LDLRAD3: variants seen among roughly 807,000 people sequenced by gnomAD.
The protein encoded by LDLRAD3 is low-density lipoprotein receptor class A domain-containing protein 3.
A neutral mutation model predicts 29.4 loss-of-function variants in LDLRAD3; 20 were observed. The observed-to-expected ratio is 0.68, with a 90% CI of 0.48 to 0.99. LDLRAD3 has a LOEUF of 0.99. LDLRAD3 is among the 50% of genes least tolerant of loss of function. The pLI is 0.00. For missense variants in LDLRAD3, 420 were observed against 454.3 expected (o/e 0.92, Z 0.69); for synonymous variants, 157 against 192.7 (o/e 0.81, Z 1.53).
chr11:36,196,477 A>C (rs1357666105), intron 4 of LDLRAD3: 1 of 152,240 alleles, frequency 6.6e-6, no homozygotes, highest in Admixed American at 6.5e-5. Flanking sequence ...TCAGTGTGGC[A>C]CTAACATTAC....
intron 4 of LDLRAD3, among the ~76,000 whole-genome samples, chr11:36,123,886 G>A (rs779969751): frequency 4.6e-5 from 7 of 152,174 alleles, no homozygotes; most frequent in South Asian, 2.1e-4. Context: ...GTCTGCCTCC[G>A]CCTCATTATT....
intron 1 of LDLRAD3, among the ~76,000 whole-genome samples, chr11:35,984,125 G>C (rs969911208): frequency 6.6e-6 from 1 of 152,138 alleles, no homozygotes; most frequent in Admixed American, 6.5e-5. Flanking sequence ...GATTTACCTA[G>C]AGATTTTGGG....
intron 4 of LDLRAD3, among the ~76,000 whole-genome samples, chr11:36,164,781 C>T (rs931430159): frequency 3.3e-5 from 5 of 152,286 alleles, no homozygotes; most frequent in Non-Finnish European, 5.9e-5. Flanking sequence ...GCAGGCAGCC[C>T]GCCAGATTCT....
At chr11:36,177,280 T>C (rs1457018142) in intron 4 of LDLRAD3, among the ~76,000 whole-genome samples, 1 of 152,218 alleles carries the variant, frequency 6.6e-6, no homozygotes, top group Non-Finnish European at 1.5e-5. Context: ...CCTCCATGAG[T>C]AGCTAAACAA....
At position 36,229,638 on chromosome 11, in the gene LDLRAD3, G is replaced by GA; in HGVS notation, c.*242dup. ...AGGTCACTCTTCCCTTGGGACCCGAGATCACACCCTCATTTTTCACATTAT... is the reference window on the plus strand; with the variant it reads ...AGGTCACTCTTCCCTTGGGACCCGAGAATCACACCCTCATTTTTCACATTAT... On this transcript the variant is annotated 3_prime_UTR_variant, in exon 6 of 6. Coordinates refer to ENST00000315571, the MANE Select transcript of LDLRAD3 (RefSeq NM_174902.4). 2 of 466,278 alleles carry GA rather than the reference G, an allele frequency of 4.3e-6. No homozygotes were observed. Among genetic ancestry groups the GA allele is most frequent in the Non-Finnish European group, 3.8e-6 (1 of 263,166 alleles). The allele number at this position is 466,278 out of a possible 1,614,324, so 28.9% of individuals were successfully genotyped here. A position where few individuals can be genotyped will look rare whatever the true frequency, so the allele number is the denominator to read the frequency against.
chr11:36,166,215 GTT>G (rs1854513799), intron 4 of LDLRAD3, among the ~76,000 whole-genome samples: 2 of 152,140 alleles, frequency 1.3e-5, no homozygotes, highest in African/African-American at 2.4e-5. Flanking sequence ...CTTTGACACA[GTT>G]CATTAAAAAT....
chr11:35,952,270 A>G (rs971663116), intron 1 of LDLRAD3, among the ~76,000 whole-genome samples: 1 of 152,210 alleles, frequency 6.6e-6, no homozygotes, highest in Non-Finnish European at 1.5e-5. Flanking sequence ...TTGGTATAGA[A>G]TAGAAATCCA....
chr11:36,081,919 C>T lies in LDLRAD3; in HGVS notation c.319+141C>T, dbSNP rs1372602394. 3.0e-6 allele frequency: 3 copies of T among 1,014,054 alleles called. No homozygotes were observed. The South Asian group carries it at 5.0e-5, about 17-fold the overall frequency. 62.8% of individuals were successfully genotyped at this position (1,014,054 alleles called of 1,614,324 possible). On this transcript the variant is annotated intron_variant, in intron 3 of 5. Coordinates refer to ENST00000315571, the MANE Select transcript of LDLRAD3 (RefSeq NM_174902.4). Reference sequence around the variant, plus strand: ...TCTGTTACCCAGATTCTGTTCTTCCCTACTTCTTGTGTAAATCTGTAAATG... The same window carrying T: ...TCTGTTACCCAGATTCTGTTCTTCCTTACTTCTTGTGTAAATCTGTAAATG...
chr11:35,950,187 G>A (rs1014890015), intron 1 of LDLRAD3, among the ~76,000 whole-genome samples: 3 of 151,888 alleles, frequency 2.0e-5, no homozygotes, highest in Non-Finnish European at 2.9e-5. Flanking sequence ...GTGTAATCTC[G>A]GAGGCATTTC....
intron 4 of LDLRAD3, among the ~76,000 whole-genome samples, chr11:36,131,149 G>A (rs763433071): frequency 3.9e-5 from 6 of 152,234 alleles, no homozygotes; most frequent in African/African-American, 1.2e-4. Flanking sequence ...GCTCATGCCT[G>A]TAAGGCTCAT....
intron 4 of LDLRAD3, among the ~76,000 whole-genome samples, chr11:36,138,474 AT>A (rs1854034213): frequency 6.6e-6 from 1 of 152,158 alleles, no homozygotes; most frequent in African/African-American, 2.4e-5. Context: ...CTCTCAGACT[AT>A]TTTCAGTATT....
chr11:36,098,923 A>G (rs1422851014), intron 4 of LDLRAD3, among the ~76,000 whole-genome samples: 3 of 151,604 alleles, frequency 2.0e-5, no homozygotes, highest in African/African-American at 7.3e-5. Context: ...TGCTGACATC[A>G]TTGTCTGTGC....
chr11:35,948,481 CAT>C (rs775932571), intron 1 of LDLRAD3, among the ~76,000 whole-genome samples: 16 of 151,692 alleles, frequency 1.1e-4, no homozygotes, highest in Non-Finnish European at 1.5e-4. Context: ...CACATGCACA[CAT>C]GTGCATATGT....
intron 1 of LDLRAD3, among the ~76,000 whole-genome samples, chr11:35,984,470 G>A (rs1280270710): frequency 6.6e-6 from 1 of 152,164 alleles, no homozygotes. Context: ...TTTTCAGCAA[G>A]GAAATCTTTA....
chr11:36,045,493 C>T (rs559910640), intron 2 of LDLRAD3, among the ~76,000 whole-genome samples: 1 of 152,256 alleles, frequency 6.6e-6, no homozygotes, highest in African/African-American at 2.4e-5. Flanking sequence ...AGGGGAGGAT[C>T]CTTCCTTGCC....
At chr11:36,026,920 T>A (rs114782796) in intron 1 of LDLRAD3, among the ~76,000 whole-genome samples, 1,627 of 152,302 alleles carry the variant, frequency 0.011, 13 homozygotes, top group African/African-American at 0.036. Context: ...CCAGCAGCCA[T>A]TGGGGCTGCT....
chr11:36,225,244 G>A (rs1855483382), intron 4 of LDLRAD3, among the ~76,000 whole-genome samples: 1 of 152,170 alleles, frequency 6.6e-6, no homozygotes, highest in South Asian at 2.1e-4. Context: ...AACAAGGACA[G>A]GGTCTTGGCC....
At chr11:36,102,464 C>T (rs1287358363) in intron 4 of LDLRAD3, among the ~76,000 whole-genome samples, 1 of 151,878 alleles carries the variant, frequency 6.6e-6, no homozygotes, top group Admixed American at 6.6e-5. Context: ...GTGGTTTCTC[C>T]ACTTTAGCAA....
At chr11:36,140,947 T>C (rs894420171) in intron 4 of LDLRAD3, among the ~76,000 whole-genome samples, 4 of 150,028 alleles carry the variant, frequency 2.7e-5, no homozygotes, top group African/African-American at 9.8e-5. Flanking sequence ...TTAATGGAAA[T>C]GTGACAAAAT....
Sources: allele counts gnomAD v4.1 joint callset (sites outside exome capture counted in the v4.1 genomes callset), GRCh38; gene constraint gnomAD v4.1.1; transcripts MANE v1.5; gene names NCBI Gene and HGNC (gene_info 2026-07-23, HGNC 2026-07-21).